The following FLCN variants were observed in gnomAD, a reference collection of about 807,000 sequenced individuals.
The protein encoded by FLCN is folliculin.
A neutral mutation model predicts 62.5 loss-of-function variants in FLCN; 22 were observed. The observed-to-expected ratio is 0.35, with a 90% CI of 0.25 to 0.50. The LOEUF (loss-of-function observed/expected upper bound fraction) is 0.50, where lower values mean the gene tolerates loss of function less well. FLCN is among the 20% of genes least tolerant of loss of function. The pLI is 0.97. For synonymous variants in FLCN, 319 were observed against 310.0 expected, an observed-to-expected ratio of 1.03 and a Z score of -0.30; for missense variants, 657 against 778.0, an observed-to-expected ratio of 0.84 and a Z score of 1.85.
intron 2 of FLCN, among the ~76,000 whole-genome samples, chr17:17,232,132 G>C (rs1303327868): frequency 6.6e-6 from 1 of 152,232 alleles, no homozygotes; most frequent in East Asian, 1.9e-4. Context: ...GCAGGCTGCA[G>C]GACAGGAGAG....
chr17:17,225,724 A>G (rs552492175), intron 5 of FLCN: 5 of 270,722 alleles, frequency 1.8e-5, no homozygotes, highest in Non-Finnish European at 3.7e-5. Context: ...AACAACAAAA[A>G]ACAAACCCCA....
In FLCN at chr17:17,227,851, T is replaced by C; in HGVS notation, c.249+38A>G. On this transcript the variant is annotated intron_variant, in intron 4 of 13. Transcript: ENST00000285071. ...GTCCTCCTGTCCATCCCACACCTAC[T>C]GCAGGGATCACAAAACCAAGACCCC... 6.2e-7 allele frequency: 1 copy of C among 1,613,822 alleles called. No homozygotes were observed. The highest frequency in any genetic ancestry group is 1.3e-5 in the African/African-American group (1 of 75,052).
intron 3 of FLCN, among the ~76,000 whole-genome samples, chr17:17,229,915 G>A (rs1185432477): frequency 6.6e-6 from 1 of 152,214 alleles, no homozygotes; most frequent in East Asian, 1.9e-4. Flanking sequence ...AAGGCCAGGG[G>A]CAGCTGCAGG....
intron 3 of FLCN, 65 bp from the exon 4 acceptor site, chr17:17,228,226 C>T: frequency 6.5e-7 from 1 of 1,534,294 alleles, no homozygotes; most frequent in Non-Finnish European, 8.7e-7. Flanking sequence ...CTCCCCAGCC[C>T]CTCTGGAGCA....
At chr17:17,221,088 A>G in intron 8 of FLCN, 1 of 1,221,028 alleles carries the variant, frequency 8.2e-7, no homozygotes, top group Non-Finnish European at 1.1e-6. Context: ...CAGGGCCCCA[A>G]GCCCCAGATC....
Position 17,216,549 on chromosome 17 carries a change from C to T in FLCN, c.1177-46G>A. 1 of 1,610,744 alleles carries T rather than the reference C, an allele frequency of 6.2e-7. No individual in the cohort carries two copies. Among genetic ancestry groups the T allele is most frequent in the East Asian group, 2.2e-5 (1 of 44,824 alleles). On this transcript the variant is annotated intron_variant, in intron 10 of 13. Transcript: ENST00000285071. The surrounding 1 kb of genome is among the most constrained non-coding windows in gnomAD (Gnocchi z 4.0). The stretch of plus-strand genomic sequence containing the variant: ...CAGACCAAGGACACGAGGAAGCCCT[C>T]AGCCCCGGCCATCCATGCTCTACTA...
intron 1 of FLCN, among the ~76,000 whole-genome samples, chr17:17,233,386 A>G (rs1023481992): frequency 6.6e-6 from 1 of 152,078 alleles, no homozygotes; most frequent in African/African-American, 2.4e-5. Context: ...TCAGGAGGTC[A>G]GGAGATCGAG....
chr17:17,213,711 T>C lies in FLCN; in HGVS notation c.1684A>G (p.Lys562Glu), dbSNP rs1423468418. ...FWMTGLSKTYKSHLMSTVRSP... is the reference protein window; with the variant it reads ...FWMTGLSKTYESHLMSTVRSP... Reference sequence around the variant, plus strand: ...CGGACCGTGGACATGAGGTGTGACTTGTAGGTCTTGCTCAGGCCAGTCATC... The same window carrying C: ...CGGACCGTGGACATGAGGTGTGACTCGTAGGTCTTGCTCAGGCCAGTCATC... The change falls in exon 14 of 14, where the codon AAG (lysine) becomes GAG (glutamate). Residue 562 changes from lysine (K) to glutamate (E), a missense_variant. Transcript: ENST00000285071. The C allele has an allele frequency of 6.2e-7, 1 of 1,614,038 alleles. No homozygotes were observed. The highest frequency in any genetic ancestry group is 8.5e-7 in the Non-Finnish European group (1 of 1,180,024).
At chr17:17,226,939 C>T (rs1008792550) in intron 4 of FLCN, among the ~76,000 whole-genome samples, 12 of 152,210 alleles carry the variant, frequency 7.9e-5, no homozygotes, top group African/African-American at 1.9e-4. Flanking sequence ...TGCGGCAGTG[C>T]GTCAGCAAGA....
At chr17:17,232,286 C>A (rs902632258) in intron 2 of FLCN, among the ~76,000 whole-genome samples, 1 of 152,244 alleles carries the variant, frequency 6.6e-6, no homozygotes, top group Non-Finnish European at 1.5e-5. Context: ...GACACCCTCC[C>A]CTGCCCTGCT....
chr17:17,229,806 C>T (rs1597622880), intron 3 of FLCN, among the ~76,000 whole-genome samples: 1 of 152,116 alleles, frequency 6.6e-6, no homozygotes, highest in Non-Finnish European at 1.5e-5. Flanking sequence ...GGAGAGTTTC[C>T]GTGGCAGAGC....
intron 3 of FLCN, 74 bp from the exon 4 acceptor site, chr17:17,228,235 C>A: frequency 6.6e-7 from 1 of 1,504,452 alleles, no homozygotes. Context: ...CCCTCTGGAG[C>A]ACAGGGAGCA....
chr17:17,216,491 C>CG lies in FLCN; in HGVS notation c.1188dup (p.Val397ArgfsTer59). 6.2e-7 allele frequency: 1 copy of CG among 1,613,814 alleles called. No homozygotes were observed. The highest frequency in any genetic ancestry group is 1.1e-5 in the South Asian group (1 of 91,074). The stretch of plus-strand genomic sequence containing the variant: ...TATGGGATGATGCGGACGCAGCCCA[C>CG]GGGAAGCATGGTCTGAGGAGGACAG... On this transcript the variant is annotated frameshift_variant, in exon 11 of 14. Transcript: ENST00000285071. LOFTEE classifies it high-confidence loss of function. This position sits in a 1 kb window ranked among gnomAD's most constrained non-coding sequence, Gnocchi z 4.0.
At chr17:17,234,737 G>C (rs893347405) in intron 1 of FLCN, among the ~76,000 whole-genome samples, 2 of 151,508 alleles carry the variant, frequency 1.3e-5, no homozygotes, top group African/African-American at 4.8e-5. Context: ...CAGCACTTTG[G>C]GAGGCCGAGG....
At position 17,228,000 on chromosome 17, in the gene FLCN, T is replaced by C. The variant is rs1597617874; in HGVS notation, c.138A>G (p.Glu46=). The C allele has an allele frequency of 6.2e-7, 1 of 1,614,078 alleles. No individual in the cohort carries two copies. Among genetic ancestry groups the C allele is most frequent in the Non-Finnish European group, 8.5e-7 (1 of 1,180,050 alleles). The change falls in exon 4 of 14, where the codon GAA becomes GAG. Residue 46 remains glutamate (E), a synonymous_variant. Transcript: ENST00000285071. ...TCATCTGAATGCCACCTTCCTCTTC[T>C]TCCGCCTGCTCACCCTGGCCAGGAC... ...EDSPGQGEQA[E]EEEGGIQMNS...
chr17:17,235,265 A>C (rs931048272), intron 1 of FLCN, among the ~76,000 whole-genome samples: 3 of 152,090 alleles, frequency 2.0e-5, no homozygotes, highest in African/African-American at 4.8e-5. Flanking sequence ...GGGCAATAAG[A>C]GTAAAACTCC....
At chr17:17,228,426 A>G in intron 3 of FLCN, 3 of 458,060 alleles carry the variant, frequency 6.5e-6, no homozygotes, top group Non-Finnish European at 1.2e-5. Flanking sequence ...TGACAGAGCC[A>G]CAGCCACAAA....
At chr17:17,220,312 G>A (rs1267156145) in intron 8 of FLCN, 1 of 152,302 alleles carries the variant, frequency 6.6e-6, no homozygotes, top group Non-Finnish European at 1.5e-5. Context: ...CCCAAGAGCT[G>A]GGATTCCAGG....
chr17:17,215,443 G>A, intron 11 of FLCN, 127 bp from the exon 12 acceptor site: 1 of 1,437,434 alleles, frequency 7.0e-7, no homozygotes, highest in South Asian at 1.2e-5. Flanking sequence ...GAAAAGACTG[G>A]CCCAAATCAA....
Sources: gnomAD v4.1 joint callset for allele counts (sites outside exome capture counted in the v4.1 genomes callset) on GRCh38, gnomAD v4.1.1 for gene constraint, Gnocchi (gnomAD v3.1) non-coding constraint, MANE v1.5 for transcripts, NCBI Gene and HGNC (gene_info 2026-07-23, HGNC 2026-07-21) for gene names.